Variants in SNX29 observed in about 807,000 individuals in gnomAD.
SNX29 encodes the protein sorting nexin 29, also known as sorting nexin-29.
In SNX29, 78 loss-of-function variants were observed where a neutral mutation model predicts 102.1. That is an observed-to-expected ratio of 0.76 (90% CI 0.64 to 0.92). The LOEUF is 0.92. Among genes scored for constraint, SNX29 ranks in the 40% least tolerant of loss-of-function variants. The pLI, the probability that SNX29 is intolerant of heterozygous loss-of-function variation, is 0.00. For missense variants in SNX29, 1,280 were observed against 1,061.7 expected (o/e 1.21, Z -2.86); for synonymous variants, 580 against 414.5 (o/e 1.40, Z -4.85).
chr16:12,383,482 G>C (rs2083244970), intron 16 of SNX29, among the ~76,000 whole-genome samples: 1 of 151,782 alleles, frequency 6.6e-6, no homozygotes, highest in African/African-American at 2.4e-5. Flanking sequence ...TCTTGCCCAG[G>C]CTGGAGTGCA....
At chr16:12,022,622 C>T (rs922461839) in intron 3 of SNX29, among the ~76,000 whole-genome samples, 1 of 152,188 alleles carries the variant, frequency 6.6e-6, no homozygotes, top group African/African-American at 2.4e-5. Context: ...TCCCTAATTT[C>T]AACTCCAGCC....
At chr16:12,197,726 A>G (rs1404164029) in intron 13 of SNX29, among the ~76,000 whole-genome samples, 1 of 152,228 alleles carries the variant, frequency 6.6e-6, no homozygotes, top group Non-Finnish European at 1.5e-5. Flanking sequence ...GGCATCCATG[A>G]CAGGCTTTGT....
chr16:12,126,487 T>C (rs1396069806), intron 11 of SNX29, 146 bp from the exon 12 acceptor site: 7 of 771,076 alleles, frequency 9.1e-6, no homozygotes, highest in Non-Finnish European at 1.5e-5. Flanking sequence ...CCGAGTCTCT[T>C]AGACTGTTAT....
At chr16:12,182,322 C>T (rs916127797) in intron 13 of SNX29, among the ~76,000 whole-genome samples, 1 of 151,864 alleles carries the variant, frequency 6.6e-6, no homozygotes, top group Non-Finnish European at 1.5e-5. Context: ...ATAATAATCC[C>T]ACTGGACAAA....
In SNX29 at chr16:12,027,407, C is replaced by T; in HGVS notation, c.210C>T (p.Ile70=). Residue 70 remains isoleucine, a synonymous_variant, in exon 4 of 21, where the codon ATC becomes ATT. Coordinates refer to ENST00000566228, the MANE Select transcript of SNX29 (RefSeq NM_032167.5). The stretch of plus-strand genomic sequence containing the variant: ...GATTGGCACTCACAGCGGCAGCGAT[C>T]AAGCAGGCAGCGGGCTTTGCCAGCA... ...SRGLALTAAA[I]KQAAGFASKT... The T allele has an allele frequency of 6.2e-7, 1 of 1,614,108 alleles. No individual in the cohort carries two copies. The highest frequency in any genetic ancestry group is 8.5e-7 in the Non-Finnish European group (1 of 1,179,992).
At chr16:12,234,174 A>G (rs995132033) in intron 14 of SNX29, among the ~76,000 whole-genome samples, 4 of 152,176 alleles carry the variant, frequency 2.6e-5, no homozygotes, top group Admixed American at 6.5e-5. Flanking sequence ...TGAAGGTTCC[A>G]GTTATTCTAC....
At chr16:12,133,892 C>G (rs1356596181) in intron 13 of SNX29, among the ~76,000 whole-genome samples, 1 of 152,166 alleles carries the variant, frequency 6.6e-6, no homozygotes, top group African/African-American at 2.4e-5. Flanking sequence ...GCTCTGAGTT[C>G]ATGGTTGTAA....
intron 20 of SNX29, among the ~76,000 whole-genome samples, chr16:12,532,431 G>C (rs2076957322): frequency 6.6e-6 from 1 of 152,056 alleles, no homozygotes; most frequent in Non-Finnish European, 1.5e-5. Flanking sequence ...GTCGTGTTTT[G>C]TAAATCCTAC....
In SNX29 at chr16:12,410,941, C is replaced by T. The variant is rs533612494; in HGVS notation, c.2037+7412C>T. Among the ~76,000 whole-genome samples, 545 of 152,294 alleles carry T rather than the reference C, an allele frequency of 3.6e-3. 2 individuals are homozygous for T. The highest frequency in any genetic ancestry group is 0.012 in the African/African-American group (485 of 41,558). ...CATCCTCTCTTAAGATAGCTTACCCCTTGGGCCCTCAAGTTCTCTTTTACC... is the reference window on the plus strand; with the variant it reads ...CATCCTCTCTTAAGATAGCTTACCCTTTGGGCCCTCAAGTTCTCTTTTACC... On this transcript the variant is annotated intron_variant, in intron 18 of 20. Coordinates refer to ENST00000566228, the MANE Select transcript of SNX29 (RefSeq NM_032167.5).
chr16:12,448,471 C>CT (rs5815689), intron 18 of SNX29, among the ~76,000 whole-genome samples: 97,232 of 147,782 alleles, frequency 0.66, 32,065 homozygotes, highest in South Asian at 0.79. Context: ...ATTGGGAACT[C>CT]TTTTTTTTTT....
At chr16:12,154,105 C>T (rs932845919) in intron 13 of SNX29, among the ~76,000 whole-genome samples, 3 of 152,102 alleles carry the variant, frequency 2.0e-5, no homozygotes, top group African/African-American at 7.2e-5. Flanking sequence ...TGGGTTTTCC[C>T]TCTCTCCCTA....
chr16:12,545,476 C>G (rs1350859079), intron 20 of SNX29: 2 of 152,280 alleles, frequency 1.3e-5, no homozygotes, highest in East Asian at 1.9e-4. Context: ...GCCAGTGACT[C>G]TCCTCCTGCA....
chr16:12,560,291 G>A (rs138664413), intron 20 of SNX29, among the ~76,000 whole-genome samples: 1 of 152,230 alleles, frequency 6.6e-6, no homozygotes, highest in Non-Finnish European at 1.5e-5. Context: ...CAGTGTTATT[G>A]AAAGCACACT....
chr16:12,563,554 G>A (rs1443757269), intron 20 of SNX29, among the ~76,000 whole-genome samples: 3 of 152,180 alleles, frequency 2.0e-5, no homozygotes, highest in Non-Finnish European at 4.4e-5. Flanking sequence ...CTACCTGAGG[G>A]GTCTACCCCA....
intron 15 of SNX29, among the ~76,000 whole-genome samples, chr16:12,302,904 G>C (rs1413145794): frequency 6.6e-6 from 1 of 152,160 alleles, no homozygotes; most frequent in Non-Finnish European, 1.5e-5. Flanking sequence ...GAGCTTCTGG[G>C]CTCGTGTTAG....
chr16:12,523,543 A>G (rs1406071547), intron 19 of SNX29, among the ~76,000 whole-genome samples: 2 of 152,240 alleles, frequency 1.3e-5, no homozygotes, highest in Non-Finnish European at 2.9e-5. Context: ...AGGATTGGCT[A>G]TGGAATGTGT....
At chr16:12,272,087 T>G (rs188738565) in intron 14 of SNX29, among the ~76,000 whole-genome samples, 3 of 152,346 alleles carry the variant, frequency 2.0e-5, no homozygotes, top group Admixed American at 2.0e-4. Context: ...GACTGGCTAG[T>G]TGCTGAGAGA....
intron 14 of SNX29, among the ~76,000 whole-genome samples, chr16:12,240,135 G>A (rs535726456): frequency 4.6e-5 from 7 of 152,290 alleles, no homozygotes; most frequent in East Asian, 1.9e-4. Flanking sequence ...AACTTCCCAC[G>A]GCTAGGCACT....
chr16:12,109,896 A>G (rs1300376949), intron 11 of SNX29, among the ~76,000 whole-genome samples: 2 of 152,046 alleles, frequency 1.3e-5, no homozygotes, highest in Non-Finnish European at 2.9e-5. Flanking sequence ...ACGCCCACCT[A>G]ATTTTTGTAT....
Sources: allele counts gnomAD v4.1 joint callset (sites outside exome capture counted in the v4.1 genomes callset), GRCh38; gene constraint gnomAD v4.1.1; transcripts MANE v1.5; gene names NCBI Gene and HGNC (gene_info 2026-07-23, HGNC 2026-07-21).